The following UGT1A10 variants were observed in gnomAD, a reference collection of about 807,000 sequenced individuals.
UGT1A10 encodes UDP glucuronosyltransferase family 1 member A10.
A neutral mutation model predicts 45.8 loss-of-function variants in UGT1A10; 49 were observed. The ratio of observed to expected loss-of-function variants is 1.07; its 90% CI spans 0.85 to 1.36. The LOEUF (loss-of-function observed/expected upper bound fraction) is 1.36, where lower values mean the gene tolerates loss of function less well. UGT1A10 is among the 40% of genes most tolerant of loss of function. The pLI is 0.00. For synonymous variants in UGT1A10, 284 were observed against 249.7 expected (o/e 1.14, Z -1.29); for missense variants, 745 against 668.6 (o/e 1.11, Z -1.26).
At chr2:233,650,074 G>A (rs1287182939) in intron 1 of UGT1A10, among the ~76,000 whole-genome samples, 7 of 152,252 alleles carry the variant, frequency 4.6e-5, no homozygotes, top group East Asian at 1.9e-4. Flanking sequence ...GGGTTCAAGC[G>A]ATTCACCTGC....
chr2:233,755,324 A>G lies in UGT1A10; in HGVS notation c.856-11710A>G, dbSNP rs539104570. On this transcript the variant is annotated intron_variant, in intron 1 of 4. Transcript: ENST00000344644. Reference sequence around the variant, plus strand: ...TGGCACAGCGAGCGGCAAGGCTGCCAGCACCCGCGCACAGGTCAGAGGCTT... The same window carrying G: ...TGGCACAGCGAGCGGCAAGGCTGCCGGCACCCGCGCACAGGTCAGAGGCTT... 5.9e-4 allele frequency: 289 copies of G among 488,866 alleles called. 2 individuals are homozygous for G. The highest frequency in any genetic ancestry group is 5.4e-3 in the African/African-American group (267 of 49,540). The allele number at this position is 488,866 out of a possible 1,614,324, so 30.3% of individuals were successfully genotyped here.
chr2:233,677,332 G>T (rs2074387764), intron 1 of UGT1A10, among the ~76,000 whole-genome samples: 1 of 152,002 alleles, frequency 6.6e-6, no homozygotes. Context: ...TGCTAGTATA[G>T]TTGACCCCTG....
chr2:233,638,644 G>C (rs1235883119), intron 1 of UGT1A10, among the ~76,000 whole-genome samples: 2 of 151,878 alleles, frequency 1.3e-5, no homozygotes, highest in African/African-American at 4.8e-5. Context: ...TGAAACACCT[G>C]GTGTCTCATC....
intron 1 of UGT1A10, among the ~76,000 whole-genome samples, chr2:233,758,818 TC>T (rs963233717): frequency 6.6e-6 from 1 of 151,974 alleles, no homozygotes; most frequent in South Asian, 2.1e-4. Context: ...CAGCAGTATA[TC>T]CCCCCCAAAA....
chr2:233,767,812 T>G, intron 2 of UGT1A10, 37 bp from the exon 3 acceptor site: 9 of 1,614,150 alleles, frequency 5.6e-6, no homozygotes, highest in Non-Finnish European at 7.6e-6. Flanking sequence ...TCATATTATG[T>G]TCTTTCTTTA....
intron 1 of UGT1A10, among the ~76,000 whole-genome samples, chr2:233,695,417 C>G (rs552700475): frequency 3.1e-4 from 44 of 142,032 alleles, no homozygotes; most frequent in Admixed American, 2.1e-4. Flanking sequence ...AGCTACCGCG[C>G]CCGGCCTTCT....
chr2:233,650,814 T>C (rs1277672916), intron 1 of UGT1A10, among the ~76,000 whole-genome samples: 6 of 152,342 alleles, frequency 3.9e-5, no homozygotes, highest in Admixed American at 1.3e-4. Flanking sequence ...AAAAGTTTGT[T>C]TGGCACAAAG....
chr2:233,718,041 G>C, intron 1 of UGT1A10: 1 of 376,232 alleles, frequency 2.7e-6, no homozygotes, highest in South Asian at 2.0e-5. Flanking sequence ...TGGTGAGCAG[G>C]AGCTCCCTGA....
chr2:233,681,808 T>A, intron 1 of UGT1A10: 2 of 1,493,536 alleles, frequency 1.3e-6, no homozygotes, highest in Non-Finnish European at 1.8e-6. Flanking sequence ...GCAGTGAATG[T>A]GAATTTTTTT....
intron 1 of UGT1A10, chr2:233,729,441 T>C: frequency 3.1e-6 from 5 of 1,613,982 alleles, no homozygotes; most frequent in Non-Finnish European, 4.2e-6. Flanking sequence ...AAACAGAACA[T>C]TTTCTGAAGA....
rs34036745 is a variant in UGT1A10, at chr2:233,769,465, G to T, written c.1295+1026G>T. On this transcript the variant is annotated intron_variant, in intron 4 of 4. Transcript: ENST00000344644. The surrounding 1 kb of genome is among the most constrained non-coding windows in gnomAD (Gnocchi z 4.4). Reference sequence around the variant, plus strand: ...GGTGCACACGTGTGCATTCATATGCGTGTGTGTGTGTGTGCGTGTGTTTAT... The same window carrying T: ...GGTGCACACGTGTGCATTCATATGCTTGTGTGTGTGTGTGCGTGTGTTTAT... 1.5e-6 allele frequency: 2 copies of T among 1,316,538 alleles called. No homozygotes were observed. Among genetic ancestry groups the T allele is most frequent in the Non-Finnish European group, 2.1e-6 (2 of 963,564 alleles). 81.6% of individuals were successfully genotyped at this position (1,316,538 alleles called of 1,614,324 possible).
rs72551358 is a variant in UGT1A10 at position 233,772,345 on chromosome 2, A to T, written c.1379A>T (p.Glu460Val). Residue 460 changes from glutamate (E) to valine (V), a missense_variant, in exon 5 of 5, where the codon GAG becomes GTG. Coordinates refer to ENST00000344644, the MANE Select transcript of UGT1A10 (RefSeq NM_019075.4). ...CTGGACCTGGCCGTGTTCTGGGTGGAGTTTGTGATGAGGCACAAGGGCGCG... is the reference window on the plus strand; with the variant it reads ...CTGGACCTGGCCGTGTTCTGGGTGGTGTTTGTGATGAGGCACAAGGGCGCG... ...EPLDLAVFWV[E>V]FVMRHKGAPH... 7 of 1,614,196 alleles carry T rather than the reference A, an allele frequency of 4.3e-6. No homozygotes were observed. In the South Asian group the frequency reaches 7.7e-5, roughly 18 times the overall value.
chr2:233,682,035 T>A (rs776447036), intron 1 of UGT1A10: 27 of 1,613,988 alleles, frequency 1.7e-5, no homozygotes, highest in Non-Finnish European at 2.3e-5. Context: ...GTAGTGCCCA[T>A]GGATGGGAGC....
At chr2:233,648,918 A>G in intron 1 of UGT1A10, 1 of 1,362,936 alleles carries the variant, frequency 7.3e-7, no homozygotes, top group South Asian at 1.2e-5. Flanking sequence ...GCCACACATC[A>G]ATTTGGTTGC....
chr2:233,713,569 A>G, intron 1 of UGT1A10: 3 of 1,613,912 alleles, frequency 1.9e-6, no homozygotes, highest in Non-Finnish European at 2.5e-6. Context: ...CCTTCCTCCT[A>G]TATTCCTAGA....
Position 233,768,439 on chromosome 2 carries a change from G to T in UGT1A10, c.1295G>T (p.Ser432Ile), listed in dbSNP as rs1306719122. 6.2e-7 allele frequency: 1 copy of T among 1,613,244 alleles called. No homozygotes were observed. Among genetic ancestry groups the T allele is most frequent in the South Asian group, 1.1e-5 (1 of 90,868 alleles). ...CTAAAAGCAGTCATCAATGACAAAAGGTAAGAAAGAAGATACAGAAGAATA... is the reference window on the plus strand; with the variant it reads ...CTAAAAGCAGTCATCAATGACAAAATGTAAGAAAGAAGATACAGAAGAATA... ...NALKAVINDK[S>I]YKENIMRLSS... Residue 432 changes from serine to isoleucine, a missense_variant and splice_region_variant, in exon 4 of 5, where the codon AGT becomes ATT. Transcript: ENST00000344644.
intron 1 of UGT1A10, among the ~76,000 whole-genome samples, chr2:233,656,306 C>T (rs553611018): frequency 9.9e-5 from 15 of 152,264 alleles, no homozygotes; most frequent in African/African-American, 2.4e-4. Context: ...TCTCCGTAAA[C>T]TGGCCAGAAC....
At chr2:233,765,342 T>G (rs1698805328) in intron 1 of UGT1A10, among the ~76,000 whole-genome samples, 1 of 152,198 alleles carries the variant, frequency 6.6e-6, no homozygotes. Flanking sequence ...AATAACAAAG[T>G]CATGGAACCA....
At chr2:233,701,084 G>A (rs2075609519) in intron 1 of UGT1A10, among the ~76,000 whole-genome samples, 1 of 152,164 alleles carries the variant, frequency 6.6e-6, no homozygotes, top group African/African-American at 2.4e-5. Flanking sequence ...ATTCCATGGT[G>A]TATATGTGCC....
Sources: gnomAD v4.1 joint callset for allele counts (sites outside exome capture counted in the v4.1 genomes callset) on GRCh38, gnomAD v4.1.1 for gene constraint, Gnocchi (gnomAD v3.1) non-coding constraint, MANE v1.5 for transcripts, NCBI Gene and HGNC (gene_info 2026-07-23, HGNC 2026-07-21) for gene names.